Variants in SLC24A2 observed in about 807,000 individuals in gnomAD.
The protein encoded by SLC24A2 is sodium/potassium/calcium exchanger 2.
SLC24A2 carries 36 observed loss-of-function variants against 62.0 expected under a neutral mutation model. That is an observed-to-expected ratio of 0.58 (90% CI 0.44 to 0.77). The LOEUF is 0.77. Ranked by LOEUF, SLC24A2 falls within the 30% of genes least tolerant of loss-of-function variation. The pLI is 0.00. For missense variants in SLC24A2, 846 were observed against 817.9 expected, an observed-to-expected ratio of 1.03 and a Z score of -0.42; for synonymous variants, 358 against 294.0, an observed-to-expected ratio of 1.22 and a Z score of -2.23.
At chr9:19,773,238 G>T (rs896767219) in intron 2 of SLC24A2, among the ~76,000 whole-genome samples, 2 of 152,190 alleles carry the variant, frequency 1.3e-5, no homozygotes, top group Admixed American at 1.3e-4. Flanking sequence ...AGATAGTGAT[G>T]ATGGTTGTGT....
At chr9:19,732,298 T>C (rs1821363476) in intron 2 of SLC24A2, among the ~76,000 whole-genome samples, 1 of 152,122 alleles carries the variant, frequency 6.6e-6, no homozygotes, top group South Asian at 2.1e-4. Flanking sequence ...TGGGATTAAT[T>C]TCCACAGTCT....
chr9:19,994,106 T>C, the SLC24A2 span, among the ~76,000 whole-genome samples: 2 of 152,160 alleles, frequency 1.3e-5, no homozygotes, highest in Non-Finnish European at 2.9e-5. Context: ...TGGCTCCAGG[T>C]GAGCTGCTGT....
intron 2 of SLC24A2, among the ~76,000 whole-genome samples, chr9:19,695,028 C>G (rs1820145913): frequency 6.7e-6 from 1 of 150,004 alleles, no homozygotes; most frequent in South Asian, 2.1e-4. Flanking sequence ...AATAAAAAGG[C>G]CGGCCAGCCA....
At chr9:19,615,360 T>C (rs769076739) in intron 4 of SLC24A2, among the ~76,000 whole-genome samples, 2 of 152,220 alleles carry the variant, frequency 1.3e-5, no homozygotes, top group Non-Finnish European at 2.9e-5. Context: ...GTTCATGCCA[T>C]CAACTTGGTG....
At chr9:20,299,273 A>G in the SLC24A2 span, among the ~76,000 whole-genome samples, 1 of 152,216 alleles carries the variant, frequency 6.6e-6, no homozygotes, top group African/African-American at 2.4e-5. Flanking sequence ...AGGGATTCAA[A>G]GGTTCCATGT....
chr9:19,930,627 A>T, the SLC24A2 span, among the ~76,000 whole-genome samples: 1 of 152,334 alleles, frequency 6.6e-6, no homozygotes, highest in South Asian at 2.1e-4. Flanking sequence ...ATTTGTGGGA[A>T]GCAATGGATG....
At chr9:19,809,833 T>C in the SLC24A2 span, among the ~76,000 whole-genome samples, 1 of 152,130 alleles carries the variant, frequency 6.6e-6, no homozygotes, top group African/African-American at 2.4e-5. Flanking sequence ...CCTGCTGGTC[T>C]TTCCTCTTGG....
the SLC24A2 span, among the ~76,000 whole-genome samples, chr9:19,820,042 C>CATATATATATATGTGTAT: frequency 1.2e-4 from 4 of 32,890 alleles, no homozygotes; most frequent in African/African-American, 2.8e-4. Context: ...TATATATATA[C>CATATATATATATGTGTAT]ATATATATAT....
In SLC24A2 at chr9:19,513,199, T is replaced by TACA. The variant is rs1471691631; in HGVS notation, c.*2953_*2954insTGT. The TACA allele has an allele frequency of 8.0e-6, 1 of 124,724 alleles. No individual in the cohort carries two copies. The highest frequency in any genetic ancestry group is 3.1e-5 in the African/African-American group (1 of 32,250). The allele number at this position is 124,724 out of a possible 1,614,324, so 7.7% of individuals were successfully genotyped here. ...ATGTATATATATATATATGTATATA[T>TACA]TTATATATGTATATACACAGGCATG... On this transcript the variant is annotated 3_prime_UTR_variant, in exon 11 of 11. Coordinates refer to ENST00000341998, the MANE Select transcript of SLC24A2 (RefSeq NM_020344.4).
intron 2 of SLC24A2, among the ~76,000 whole-genome samples, chr9:19,709,244 G>A (rs919021662): frequency 1.3e-5 from 2 of 151,698 alleles, no homozygotes; most frequent in African/African-American, 2.4e-5. Flanking sequence ...TCATTAAAAA[G>A]TCAGGAAACA....
chr9:19,944,441 TAAA>T, the SLC24A2 span, among the ~76,000 whole-genome samples: 3 of 78,508 alleles, frequency 3.8e-5, no homozygotes, highest in Admixed American at 1.4e-4. Context: ...AAAGTAGTAG[TAAA>T]AAAAAAAAAA....
the SLC24A2 span, among the ~76,000 whole-genome samples, chr9:19,839,813 A>G: frequency 6.6e-6 from 1 of 152,198 alleles, no homozygotes; most frequent in Non-Finnish European, 1.5e-5. Context: ...TAAGATTATA[A>G]TGGAGCTGAA....
chr9:19,968,236 C>G, the SLC24A2 span, among the ~76,000 whole-genome samples: 1 of 152,174 alleles, frequency 6.6e-6, no homozygotes, highest in African/African-American at 2.4e-5. Context: ...TCTGAGCACA[C>G]CAGGGAGCCC....
At chr9:19,726,238 G>T (rs1326385777) in intron 2 of SLC24A2, among the ~76,000 whole-genome samples, 2 of 152,132 alleles carry the variant, frequency 1.3e-5, no homozygotes, top group African/African-American at 4.8e-5. Context: ...TCTCTCAATA[G>T]GTAGTCTTCT....
chr9:19,971,544 C>T, the SLC24A2 span, among the ~76,000 whole-genome samples: 2 of 152,182 alleles, frequency 1.3e-5, no homozygotes, highest in Non-Finnish European at 2.9e-5. Flanking sequence ...CTGGTACCAA[C>T]CACTCAGGGA....
At chr9:19,614,073 A>G (rs1817701094) in intron 4 of SLC24A2, among the ~76,000 whole-genome samples, 1 of 152,230 alleles carries the variant, frequency 6.6e-6, no homozygotes, top group Non-Finnish European at 1.5e-5. Flanking sequence ...GATACTTCTC[A>G]CTGCAAAACT....
the SLC24A2 span, among the ~76,000 whole-genome samples, chr9:20,282,076 C>T: frequency 1.3e-5 from 2 of 151,996 alleles, no homozygotes; most frequent in Non-Finnish European, 2.9e-5. Context: ...GACAAGAATC[C>T]TAAAATTTTC....
chr9:19,969,077 C>A, the SLC24A2 span, among the ~76,000 whole-genome samples: 1 of 151,858 alleles, frequency 6.6e-6, no homozygotes, highest in Admixed American at 6.6e-5. Flanking sequence ...CAATTAAGAA[C>A]AGCTTTCTTT....
At chr9:20,046,692 C>T in the SLC24A2 span, among the ~76,000 whole-genome samples, 88 of 152,322 alleles carry the variant, frequency 5.8e-4, 1 homozygote, top group East Asian at 0.015. Context: ...ACCTAAGAAG[C>T]AGAGATGGAA....
Sources: gnomAD v4.1 joint callset for allele counts (sites outside exome capture counted in the v4.1 genomes callset) on GRCh38, gnomAD v4.1.1 for gene constraint, MANE v1.5 for transcripts, NCBI Gene and HGNC (gene_info 2026-07-23, HGNC 2026-07-21) for gene names.